FHIT: variants seen among roughly 807,000 people sequenced by gnomAD.
The protein encoded by FHIT is bis(5'-adenosyl)-triphosphatase.
A neutral mutation model predicts 17.9 loss-of-function variants in FHIT; 19 were observed. That is an observed-to-expected ratio of 1.06 (90% CI 0.74 to 1.56). The LOEUF (loss-of-function observed/expected upper bound fraction) is 1.56. FHIT is among the 40% of genes most tolerant of loss of function. The pLI is 0.00. For synonymous variants in FHIT, 81 were observed against 69.7 expected, an observed-to-expected ratio of 1.16 and a Z score of -0.81; for missense variants, 248 against 189.2, an observed-to-expected ratio of 1.31 and a Z score of -1.82.
intron 3 of FHIT, among the ~76,000 whole-genome samples, chr3:60,976,189 C>G (rs1559881009): frequency 7.0e-6 from 1 of 142,836 alleles, no homozygotes; most frequent in South Asian, 2.3e-4. Flanking sequence ...TCACTGCAAC[C>G]TCTACCTCCT....
At chr3:60,599,049 T>C (rs1269515331) in intron 4 of FHIT, among the ~76,000 whole-genome samples, 4 of 152,178 alleles carry the variant, frequency 2.6e-5, no homozygotes, top group African/African-American at 7.2e-5. Context: ...CAGTGTTCCA[T>C]TGTATCTTGC....
At chr3:60,199,076 C>T (rs551398630) in intron 5 of FHIT, among the ~76,000 whole-genome samples, 1 of 152,220 alleles carries the variant, frequency 6.6e-6, no homozygotes, top group Non-Finnish European at 1.5e-5. Flanking sequence ...AGGCTTGGTG[C>T]TTCATTATTT....
At chr3:59,979,523 G>T (rs2107423918) in intron 7 of FHIT, among the ~76,000 whole-genome samples, 1 of 152,188 alleles carries the variant, frequency 6.6e-6, no homozygotes, top group African/African-American at 2.4e-5. Flanking sequence ...CAATTTTAGA[G>T]AATCCCTTGG....
At chr3:60,336,894 C>CAAAAAA (rs35302219) in intron 5 of FHIT, among the ~76,000 whole-genome samples, 1 of 104,814 alleles carries the variant, frequency 9.5e-6, no homozygotes. Flanking sequence ...TCAAAGTAAG[C>CAAAAAA]AAAAAAAAAA....
At chr3:60,464,312 C>T (rs996087910) in intron 5 of FHIT, among the ~76,000 whole-genome samples, 1 of 152,054 alleles carries the variant, frequency 6.6e-6, no homozygotes, top group Admixed American at 6.5e-5. Flanking sequence ...ATAATAATCA[C>T]GTAGGGTAAA....
intron 3 of FHIT, among the ~76,000 whole-genome samples, chr3:60,897,842 A>G (rs1705909714): frequency 6.6e-6 from 1 of 152,216 alleles, no homozygotes; most frequent in Non-Finnish European, 1.5e-5. Flanking sequence ...ATCTTTCTCT[A>G]GAGCAAATAA....
chr3:60,187,760 TAAG>T (rs1702220721), intron 5 of FHIT, among the ~76,000 whole-genome samples: 1 of 152,198 alleles, frequency 6.6e-6, no homozygotes. Flanking sequence ...GATGCTGATT[TAAG>T]AAGAGAATTG....
At chr3:60,245,685 C>T (rs557226378) in intron 5 of FHIT, among the ~76,000 whole-genome samples, 1 of 152,170 alleles carries the variant, frequency 6.6e-6, no homozygotes, top group East Asian at 1.9e-4. Flanking sequence ...TGATCCAGAA[C>T]TTCCAATTCT....
chr3:60,288,748 A>G (rs1276108662), intron 5 of FHIT, among the ~76,000 whole-genome samples: 2 of 152,192 alleles, frequency 1.3e-5, no homozygotes, highest in Non-Finnish European at 2.9e-5. Context: ...GAACATAGCC[A>G]TGAAAATATT....
rs549960843 is a variant in FHIT at position 59,803,001 on chromosome 3, C to T, written c.349-50680G>A. Among the ~76,000 whole-genome samples, 527 of 152,280 alleles carry T rather than the reference C, an allele frequency of 3.5e-3. 3 individuals are homozygous for T. Among genetic ancestry groups the T allele is most frequent in the Non-Finnish European group, 4.1e-3 (276 of 68,034 alleles). ...GACTGACTGCATCCCCCTGAAGACA[C>T]GTGTCAGGTGCCATGCCTGCCCTGT... On this transcript the variant is annotated intron_variant, in intron 8 of 9. Coordinates refer to ENST00000492590, the MANE Select transcript of FHIT (RefSeq NM_002012.4).
chr3:60,841,427 G>T (rs1553745026), intron 3 of FHIT, among the ~76,000 whole-genome samples: 1 of 152,298 alleles, frequency 6.6e-6, no homozygotes, highest in Middle Eastern at 3.4e-3. Flanking sequence ...TGTGGAAAGA[G>T]AATAAATAAT....
At chr3:60,101,249 G>C (rs1048945694) in intron 5 of FHIT, among the ~76,000 whole-genome samples, 1 of 152,208 alleles carries the variant, frequency 6.6e-6, no homozygotes, top group African/African-American at 2.4e-5. Flanking sequence ...CACATTACCT[G>C]GCCTGCAAGG....
chr3:59,785,036 C>A (rs778846823), intron 8 of FHIT, among the ~76,000 whole-genome samples: 2 of 151,880 alleles, frequency 1.3e-5, no homozygotes, highest in African/African-American at 4.8e-5. Context: ...TCACATGGCC[C>A]GAGCAACAAG....
rs145940274 is a variant in FHIT at position 60,477,707 on chromosome 3, T to C, written c.103+59153A>G. Among the ~76,000 whole-genome samples the C allele has an allele frequency of 8.1e-4, 123 of 152,350 alleles. 1 individual carries two copies. The highest frequency in any genetic ancestry group is 2.8e-3 in the African/African-American group (116 of 41,586). On this transcript the variant is annotated intron_variant, in intron 5 of 9. Transcript: ENST00000492590. ...TATGTAAACAATCGGTATAGGCATG[T>C]AGATATAAACATGTATAGAACACAA...
chr3:60,456,777 T>C (rs1464670472), intron 5 of FHIT, among the ~76,000 whole-genome samples: 2 of 152,140 alleles, frequency 1.3e-5, no homozygotes, highest in Non-Finnish European at 2.9e-5. Flanking sequence ...TTATTCTTAA[T>C]GAAGACTTTT....
chr3:60,445,071 C>A (rs181146325), intron 5 of FHIT, among the ~76,000 whole-genome samples: 3 of 152,172 alleles, frequency 2.0e-5, no homozygotes, highest in East Asian at 3.9e-4. Context: ...CTGAGCCCTA[C>A]CTGGTAACTC....
At chr3:60,657,661 C>T (rs367762641) in intron 4 of FHIT, among the ~76,000 whole-genome samples, 1 of 152,094 alleles carries the variant, frequency 6.6e-6, no homozygotes, top group South Asian at 2.1e-4. Flanking sequence ...CCTAATCAGG[C>T]CTTAACTTTT....
At chr3:59,839,678 C>G (rs1436007731) in intron 8 of FHIT, among the ~76,000 whole-genome samples, 2 of 152,140 alleles carry the variant, frequency 1.3e-5, no homozygotes, top group Non-Finnish European at 2.9e-5. Context: ...CTGGGAAGAT[C>G]TACTTCAATC....
intron 4 of FHIT, among the ~76,000 whole-genome samples, chr3:60,635,830 C>G (rs1162827927): frequency 1.3e-5 from 2 of 152,124 alleles, no homozygotes; most frequent in African/African-American, 4.8e-5. Context: ...AACGGGCAGA[C>G]AGCAAGTATT....
Sources: allele counts gnomAD v4.1 joint callset (sites outside exome capture counted in the v4.1 genomes callset), GRCh38; gene constraint gnomAD v4.1.1; transcripts MANE v1.5; gene names NCBI Gene and HGNC (gene_info 2026-07-23, HGNC 2026-07-21).